The following TMEM232 variants were observed in gnomAD, a reference collection of about 807,000 sequenced individuals.
TMEM232 encodes the protein transmembrane protein 232.
In TMEM232, 80 loss-of-function variants were observed where a neutral mutation model predicts 78.8. That is an observed-to-expected ratio of 1.01 (90% CI 0.85 to 1.22). The LOEUF (loss-of-function observed/expected upper bound fraction) is 1.22. Ranked by LOEUF, TMEM232 falls within the 50% of genes most tolerant of loss-of-function variation. The probability of loss-of-function intolerance (pLI) is 0.00; values close to 1 mark genes in which losing one functional copy is unlikely to be tolerated. For synonymous variants in TMEM232, 297 were observed against 254.3 expected, an observed-to-expected ratio of 1.17 and a Z score of -1.60; for missense variants, 881 against 742.2, an observed-to-expected ratio of 1.19 and a Z score of -2.17.
chr5:110,611,636 A>G (rs1426506108), intron 8 of TMEM232, among the ~76,000 whole-genome samples: 1 of 152,148 alleles, frequency 6.6e-6, no homozygotes, highest in Non-Finnish European at 1.5e-5. Context: ...ATGGCAATTT[A>G]TGAGACACTG....
chr5:110,620,577 A>ATCTCTCTATC (rs1783510315), intron 7 of TMEM232, among the ~76,000 whole-genome samples: 16 of 43,138 alleles, frequency 3.7e-4, no homozygotes, highest in African/African-American at 1.2e-3. Context: ...TGTCTCTCAT[A>ATCTCTCTATC]TCTCTCTCTC....
chr5:110,520,040 T>C (rs1451557888), intron 12 of TMEM232, among the ~76,000 whole-genome samples: 1 of 143,702 alleles, frequency 7.0e-6, no homozygotes, highest in East Asian at 2.1e-4. Flanking sequence ...TATTTATGTA[T>C]ATATATATAT....
intron 2 of TMEM232, among the ~76,000 whole-genome samples, chr5:110,643,621 G>T (rs925272287): frequency 1.3e-5 from 2 of 151,844 alleles, no homozygotes; most frequent in Non-Finnish European, 2.9e-5. Context: ...AATTATTGTT[G>T]GAGTCATGCT....
intron 11 of TMEM232, among the ~76,000 whole-genome samples, chr5:110,542,623 A>G (rs1016867917): frequency 1.3e-5 from 2 of 152,044 alleles, no homozygotes; most frequent in African/African-American, 2.4e-5. Context: ...TCTGCTCCCC[A>G]TAAAGATTTA....
At chr5:110,605,499 G>T (rs922061890) in intron 9 of TMEM232, 141 bp from the exon 10 acceptor site, 2 of 854,800 alleles carry the variant, frequency 2.3e-6, no homozygotes, top group Non-Finnish European at 3.4e-6. Context: ...GGTTTACCAT[G>T]AGTAGACTGC....
At chr5:110,612,586 C>T (rs576846192) in intron 8 of TMEM232, among the ~76,000 whole-genome samples, 4 of 152,224 alleles carry the variant, frequency 2.6e-5, no homozygotes, top group African/African-American at 7.2e-5. Context: ...AAGTGCCTTG[C>T]CGCCCATACA....
intron 10 of TMEM232, among the ~76,000 whole-genome samples, chr5:110,590,137 TA>T (rs1182242521): frequency 6.6e-6 from 1 of 152,092 alleles, no homozygotes; most frequent in Admixed American, 6.6e-5. Context: ...TTCTATTCAA[TA>T]AAAAACCACC....
intron 10 of TMEM232, among the ~76,000 whole-genome samples, chr5:110,582,403 T>C (rs1212264979): frequency 6.6e-6 from 1 of 151,732 alleles, no homozygotes; most frequent in Admixed American, 6.6e-5. Context: ...CAAATTAATA[T>C]AGGAACAGAA....
At chr5:110,704,002 G>A (rs1415827728) in intron 1 of TMEM232, among the ~76,000 whole-genome samples, 1 of 152,182 alleles carries the variant, frequency 6.6e-6, no homozygotes, top group African/African-American at 2.4e-5. Context: ...GATGAGACTG[G>A]ATAGAGGATT....
At chr5:110,526,230 A>C (rs1770578070) in intron 12 of TMEM232, among the ~76,000 whole-genome samples, 1 of 151,492 alleles carries the variant, frequency 6.6e-6, no homozygotes, top group Non-Finnish European at 1.5e-5. Context: ...TTCTATTACA[A>C]AGAAAAATGA....
intron 2 of TMEM232, among the ~76,000 whole-genome samples, chr5:110,413,956 T>C (rs1454923399): frequency 6.6e-6 from 1 of 152,090 alleles, no homozygotes; most frequent in Non-Finnish European, 1.5e-5. Context: ...GAAATAACCA[T>C]ATGACCCACC....
intron 2 of TMEM232, among the ~76,000 whole-genome samples, chr5:110,402,961 T>G (rs565793099): frequency 6.6e-6 from 1 of 152,190 alleles, no homozygotes; most frequent in East Asian, 1.9e-4. Flanking sequence ...TAATCTAATG[T>G]CTTTAATTTC....
At chr5:110,504,867 T>C (rs1023347615) in intron 12 of TMEM232, among the ~76,000 whole-genome samples, 6 of 152,238 alleles carry the variant, frequency 3.9e-5, no homozygotes, top group Admixed American at 3.3e-4. Context: ...GACCAAATAC[T>C]TGTATGCCCT....
At chr5:110,674,270 C>T (rs904169021) in intron 1 of TMEM232, among the ~76,000 whole-genome samples, 1 of 151,950 alleles carries the variant, frequency 6.6e-6, no homozygotes, top group Non-Finnish European at 1.5e-5. Context: ...CAGGAATGTG[C>T]AAAGGAGTTA....
In TMEM232 at chr5:110,694,782, G is replaced by A. The variant is rs185085267; in HGVS notation, c.-12-27418C>T. On this transcript the variant is annotated intron_variant, in intron 1 of 13. Coordinates refer to ENST00000455884, the MANE Select transcript of TMEM232 (RefSeq NM_001039763.4). ...CTAAATATATATGCACCCAATACAGGAGCACCAAGATTCATAAAGCAAGTC... is the reference window on the plus strand; with the variant it reads ...CTAAATATATATGCACCCAATACAGAAGCACCAAGATTCATAAAGCAAGTC... Among the ~76,000 whole-genome samples, 95 of 152,198 alleles carry A rather than the reference G, an allele frequency of 6.2e-4. 2 individuals carry two copies. In the East Asian group the frequency reaches 0.017, roughly 28 times the overall value.
At chr5:110,462,476 G>T (rs1339773853) in intron 12 of TMEM232, among the ~76,000 whole-genome samples, 2 of 152,182 alleles carry the variant, frequency 1.3e-5, no homozygotes, top group Non-Finnish European at 2.9e-5. Flanking sequence ...GAGGAACATG[G>T]AAAGACAAGA....
intron 11 of TMEM232, among the ~76,000 whole-genome samples, chr5:110,545,682 AG>A (rs926483207): frequency 6.6e-6 from 1 of 152,152 alleles, no homozygotes; most frequent in African/African-American, 2.4e-5. Context: ...AATATCATTA[AG>A]AATAAAAACA....
At chr5:110,553,465 T>C (rs1561677860) in intron 11 of TMEM232, among the ~76,000 whole-genome samples, 1 of 152,280 alleles carries the variant, frequency 6.6e-6, no homozygotes, top group Non-Finnish European at 1.5e-5. Flanking sequence ...GCATTCCTTT[T>C]CATTTTATTC....
At chr5:110,539,816 A>C (rs528558674) in intron 11 of TMEM232, among the ~76,000 whole-genome samples, 1 of 152,216 alleles carries the variant, frequency 6.6e-6, no homozygotes, top group African/African-American at 2.4e-5. Context: ...GAAGGCTTAG[A>C]ATAACCTTCA....
Sources: gnomAD v4.1 joint callset for allele counts (sites outside exome capture counted in the v4.1 genomes callset) on GRCh38, gnomAD v4.1.1 for gene constraint, MANE v1.5 for transcripts, NCBI Gene and HGNC (gene_info 2026-07-23, HGNC 2026-07-21) for gene names.